Variants in ALG6 observed in about 807,000 individuals in gnomAD.
ALG6 encodes ALG6 alpha-1,3-glucosyltransferase, also known as dolichyl pyrophosphate Man9GlcNAc2 alpha-1,3-glucosyltransferase.
In ALG6, 46 loss-of-function variants were observed where a neutral mutation model predicts 66.6. The ratio of observed to expected loss-of-function variants is 0.69; its 90% CI spans 0.55 to 0.88. ALG6 has a LOEUF of 0.88. Among genes scored for constraint, ALG6 ranks in the 40% least tolerant of loss-of-function variants. The pLI, the probability that ALG6 is intolerant of heterozygous loss-of-function variation, is 0.00. For missense variants in ALG6, 505 were observed against 586.8 expected (o/e 0.86, Z 1.44); for synonymous variants, 185 against 203.7 (o/e 0.91, Z 0.78).
At chr1:63,376,567 A>G (rs1342903193) in intron 2 of ALG6, among the ~76,000 whole-genome samples, 2 of 152,214 alleles carry the variant, frequency 1.3e-5, no homozygotes, top group Admixed American at 6.5e-5. Flanking sequence ...CTAATGTGAC[A>G]TCTACTTTGA....
chr1:63,370,925 A>T lies in ALG6; in HGVS notation c.-53A>T. The stretch of plus-strand genomic sequence containing the variant: ...AAGAAGTGATTGACCACGTTTTAAA[A>T]GTACTCTGGCACTGGTGCTGTGTTT... On this transcript the variant is annotated 5_prime_UTR_variant, in exon 2 of 15. In the 5' UTR this introduces an upstream ATG that the reference lacks. Transcript: ENST00000263440. 2 of 1,072,536 alleles carry T rather than the reference A, an allele frequency of 1.9e-6. No individual in the cohort carries two copies. The highest frequency in any genetic ancestry group is 2.9e-6 in the Non-Finnish European group (2 of 685,338). The allele number at this position is 1,072,536 out of a possible 1,614,324, so 66.4% of individuals were successfully genotyped here. A position where few individuals can be genotyped will look rare whatever the true frequency, so the allele number is the denominator to read the frequency against.
intron 11 of ALG6, among the ~76,000 whole-genome samples, chr1:63,418,302 A>G (rs570249299): frequency 1.4e-5 from 2 of 147,702 alleles, no homozygotes; most frequent in South Asian, 4.2e-4. Context: ...TATTTAATAA[A>G]TTATTAAATT....
intron 12 of ALG6, chr1:63,428,435 A>C (rs1039434506): frequency 2.1e-5 from 5 of 235,438 alleles, no homozygotes; most frequent in Non-Finnish European, 4.1e-5. Context: ...AGATTTGTTT[A>C]TCTGATCCTT....
intron 2 of ALG6, among the ~76,000 whole-genome samples, chr1:63,382,672 T>C (rs1648363769): frequency 3.8e-5 from 5 of 131,412 alleles, no homozygotes; most frequent in Admixed American, 7.4e-5. Flanking sequence ...TTTGTTTTTT[T>C]TTTTTTGTTT....
chr1:63,398,819 C>T (rs1022964527), intron 3 of ALG6, among the ~76,000 whole-genome samples: 17 of 151,990 alleles, frequency 1.1e-4, no homozygotes, highest in African/African-American at 4.1e-4. Context: ...TTTCTTTCCC[C>T]CGTGTTTGTA....
chr1:63,385,460 C>A (rs1648476018), intron 2 of ALG6, among the ~76,000 whole-genome samples: 1 of 152,122 alleles, frequency 6.6e-6, no homozygotes, highest in Non-Finnish European at 1.5e-5. Flanking sequence ...ATCTGCCCAT[C>A]TCAGCCTCCC....
intron 2 of ALG6, among the ~76,000 whole-genome samples, chr1:63,381,550 A>AG: frequency 6.6e-6 from 1 of 151,792 alleles, no homozygotes; most frequent in Admixed American, 6.6e-5. Context: ...GTGGGGGCTG[A>AG]GGGGGGATCC....
At chr1:63,413,725 AT>A in intron 9 of ALG6, 1 of 215,748 alleles carries the variant, frequency 4.6e-6, no homozygotes, top group East Asian at 1.1e-4. Flanking sequence ...TATTCTATAA[AT>A]TGTAGAAAAA....
At chr1:63,392,731 T>C (rs139295112) in intron 2 of ALG6, among the ~76,000 whole-genome samples, 151 of 152,354 alleles carry the variant, frequency 9.9e-4, no homozygotes, top group African/African-American at 3.2e-3. Context: ...CTGAATCTTA[T>C]GTAAATGAAT....
chr1:63,414,942 G>A lies in ALG6; in HGVS notation c.902+796G>A, dbSNP rs566657146. Among the ~76,000 whole-genome samples, 4 of 152,286 alleles carry A rather than the reference G, an allele frequency of 2.6e-5. No individual in the cohort carries two copies. In the South Asian group the frequency reaches 8.3e-4, roughly 32 times the overall value. On this transcript the variant is annotated intron_variant, in intron 10 of 14. Transcript: ENST00000263440. ...GGGAAGGCCTCAGCCGTCTTTTAAA[G>A]GGCTTTTATTTGATTAAGTTAGGCG...
At chr1:63,369,893 A>G (rs928031021) in intron 1 of ALG6, among the ~76,000 whole-genome samples, 5 of 151,814 alleles carry the variant, frequency 3.3e-5, no homozygotes, top group African/African-American at 1.2e-4. Flanking sequence ...ATCTCGGCTC[A>G]CTGCAACCTT....
intron 2 of ALG6, among the ~76,000 whole-genome samples, chr1:63,375,878 A>C (rs547158893): frequency 6.6e-6 from 1 of 152,224 alleles, no homozygotes; most frequent in African/African-American, 2.4e-5. Flanking sequence ...AAGTTTTAAA[A>C]TGTATTGACA....
At chr1:63,424,288 G>A (rs776580188) in intron 12 of ALG6, among the ~76,000 whole-genome samples, 5 of 151,796 alleles carry the variant, frequency 3.3e-5, no homozygotes, top group African/African-American at 7.3e-5. Context: ...CTACAGGCGC[G>A]TGCCACCACA....
chr1:63,384,621 G>A (rs148571572), intron 2 of ALG6, among the ~76,000 whole-genome samples: 285 of 152,212 alleles, frequency 1.9e-3, no homozygotes, highest in African/African-American at 6.6e-3. Context: ...CATAGTGTGA[G>A]GTCGTATATT....
intron 2 of ALG6, among the ~76,000 whole-genome samples, chr1:63,395,867 G>T (rs1343308135): frequency 6.6e-6 from 1 of 152,100 alleles, no homozygotes; most frequent in Non-Finnish European, 1.5e-5. Flanking sequence ...GCCAACCATG[G>T]ATTGAAAATA....
intron 14 of ALG6, among the ~76,000 whole-genome samples, chr1:63,435,683 G>C (rs2100446949): frequency 6.6e-6 from 1 of 152,188 alleles, no homozygotes; most frequent in Middle Eastern, 3.4e-3. Context: ...ACAGTCTAGA[G>C]TCACAGTCTG....
At chr1:63,392,212 C>T (rs533733976) in intron 2 of ALG6, among the ~76,000 whole-genome samples, 38 of 151,992 alleles carry the variant, frequency 2.5e-4, no homozygotes, top group Non-Finnish European at 4.4e-4. Flanking sequence ...GCTCTGTCAC[C>T]CAGGCTGGAG....
chr1:63,421,626 A>C (rs961602862), intron 12 of ALG6, among the ~76,000 whole-genome samples: 2 of 152,170 alleles, frequency 1.3e-5, no homozygotes, highest in African/African-American at 4.8e-5. Flanking sequence ...ACAAACCCAG[A>C]TGCCCATCAA....
chr1:63,390,275 C>T (rs923595960), intron 2 of ALG6, among the ~76,000 whole-genome samples: 2 of 152,172 alleles, frequency 1.3e-5, no homozygotes, highest in East Asian at 1.9e-4. Context: ...TCCGGGACTC[C>T]AGGAGTCTGC....
Sources: gnomAD v4.1 joint callset for allele counts (sites outside exome capture counted in the v4.1 genomes callset) on GRCh38, gnomAD v4.1.1 for gene constraint, MANE v1.5 for transcripts, NCBI Gene and HGNC (gene_info 2026-07-23, HGNC 2026-07-21) for gene names.